The following GRIA4 variants were observed in gnomAD, a reference collection of about 807,000 sequenced individuals.
GRIA4 encodes glutamate receptor 4.
Under a neutral mutation model 104.0 loss-of-function variants are expected in GRIA4, and 34 were observed. That is an observed-to-expected ratio of 0.33 (90% CI 0.25 to 0.44). The LOEUF (loss-of-function observed/expected upper bound fraction) is 0.44, where lower values mean the gene tolerates loss of function less well. Among genes scored for constraint, GRIA4 ranks in the 20% least tolerant of loss-of-function variants. The probability of loss-of-function intolerance (pLI) is 1.00; values close to 1 mark genes in which losing one functional copy is unlikely to be tolerated. For missense variants in GRIA4, 750 were observed against 1,096.5 expected (o/e 0.68, Z 4.46); for synonymous variants, 386 against 381.9 (o/e 1.01, Z -0.13).
At chr11:105,822,979 T>G (rs1308652991) in intron 4 of GRIA4, among the ~76,000 whole-genome samples, 6 of 152,240 alleles carry the variant, frequency 3.9e-5, no homozygotes, top group Non-Finnish European at 8.8e-5. Context: ...AAGTACTGAG[T>G]TCTTTTCAGT....
At chr11:105,760,250 A>G (rs1439927779) in intron 4 of GRIA4, among the ~76,000 whole-genome samples, 1 of 152,100 alleles carries the variant, frequency 6.6e-6, no homozygotes, top group African/African-American at 2.4e-5. Context: ...CCTTCAAGCA[A>G]CCGTATCTAA....
chr11:105,968,803 T>C (rs1358347987), intron 14 of GRIA4, among the ~76,000 whole-genome samples: 1 of 152,208 alleles, frequency 6.6e-6, no homozygotes, highest in African/African-American at 2.4e-5. Flanking sequence ...TTTAAAAATA[T>C]TGATTGCAAT....
At chr11:105,683,049 C>A (rs555836409) in intron 3 of GRIA4, among the ~76,000 whole-genome samples, 1 of 152,088 alleles carries the variant, frequency 6.6e-6, no homozygotes, top group African/African-American at 2.4e-5. Flanking sequence ...TTATGGTGAG[C>A]CTGGATTTTT....
At chr11:105,644,976 G>C (rs534926488) in intron 3 of GRIA4, among the ~76,000 whole-genome samples, 2 of 152,262 alleles carry the variant, frequency 1.3e-5, no homozygotes, top group East Asian at 3.9e-4. Context: ...GAGCTAAGCA[G>C]TGCGTGACTG....
chr11:105,699,975 T>G (rs981752062), intron 3 of GRIA4, among the ~76,000 whole-genome samples: 4 of 152,216 alleles, frequency 2.6e-5, no homozygotes, highest in African/African-American at 9.7e-5. Flanking sequence ...ACTGTTGTAT[T>G]CTCAGCACCT....
At chr11:105,877,370 C>T (rs1357539079) in intron 5 of GRIA4, among the ~76,000 whole-genome samples, 2 of 152,156 alleles carry the variant, frequency 1.3e-5, no homozygotes, top group South Asian at 2.1e-4. Context: ...CTTGGTGAAT[C>T]TGACAATTAC....
intron 13 of GRIA4, among the ~76,000 whole-genome samples, chr11:105,930,082 T>C (rs897143316): frequency 5.3e-5 from 8 of 152,176 alleles, no homozygotes; most frequent in African/African-American, 1.7e-4. Flanking sequence ...CTGTACTTGA[T>C]ACAGTGACAT....
chr11:105,682,110 A>G (rs535294477), intron 3 of GRIA4, among the ~76,000 whole-genome samples: 2 of 152,296 alleles, frequency 1.3e-5, no homozygotes, highest in African/African-American at 2.4e-5. Flanking sequence ...AGAAAATTTG[A>G]AATTTCACAT....
chr11:105,962,083 A>T (rs1290811820), intron 14 of GRIA4, among the ~76,000 whole-genome samples: 1 of 152,214 alleles, frequency 6.6e-6, no homozygotes, highest in Non-Finnish European at 1.5e-5. Context: ...AAACTTTACT[A>T]AAACTTTTTA....
chr11:105,653,999 CAAAAAAAAAAAAAAAAA>C, intron 3 of GRIA4, among the ~76,000 whole-genome samples: 2 of 50,262 alleles, frequency 4.0e-5, no homozygotes, highest in African/African-American at 7.9e-5. Context: ...ACTATTTAGC[CAAAAAAAAAAAAAAAAA>C]AAAAAAAAAA....
chr11:105,928,476 G>C lies in GRIA4; in HGVS notation c.2046+1537G>C, dbSNP rs189408006. The stretch of plus-strand genomic sequence containing the variant: ...TCCCTATTTCTACAGCTTAATAATA[G>C]AAACATTACTACTCTAATGTATTTC... On this transcript the variant is annotated intron_variant, in intron 13 of 16. Coordinates refer to ENST00000282499, the MANE Select transcript of GRIA4 (RefSeq NM_000829.4). 4.0e-3 allele frequency among the ~76,000 whole-genome samples: 603 copies of C among 151,976 alleles called. 5 individuals carry two copies. Among genetic ancestry groups the C allele is most frequent in the African/African-American group, 0.013 (557 of 41,504 alleles).
At chr11:105,869,284 A>G (rs925617399) in intron 5 of GRIA4, among the ~76,000 whole-genome samples, 1 of 152,160 alleles carries the variant, frequency 6.6e-6, no homozygotes, top group Admixed American at 6.6e-5. Context: ...GTTCAACTAA[A>G]TATGTTTTAG....
intron 3 of GRIA4, among the ~76,000 whole-genome samples, chr11:105,736,267 A>G (rs1413875107): frequency 2.6e-5 from 4 of 152,166 alleles, no homozygotes; most frequent in African/African-American, 9.6e-5. Flanking sequence ...ATTCATTTAC[A>G]TTACATTCCT....
chr11:105,873,984 C>T (rs1945720517), intron 5 of GRIA4, among the ~76,000 whole-genome samples: 1 of 152,124 alleles, frequency 6.6e-6, no homozygotes, highest in Non-Finnish European at 1.5e-5. Context: ...GTCATGAAGT[C>T]TTTGCCCATG....
At chr11:105,659,892 GA>G (rs1156243535) in intron 3 of GRIA4, among the ~76,000 whole-genome samples, 1 of 151,562 alleles carries the variant, frequency 6.6e-6, no homozygotes, top group African/African-American at 2.4e-5. Flanking sequence ...AATATTCTCA[GA>G]AAAATTCAAT....
intron 5 of GRIA4, 27 bp downstream of exon 5, chr11:105,862,235 C>G: frequency 7.6e-7 from 1 of 1,315,818 alleles, no homozygotes. Context: ...ATATTTTTAA[C>G]CTAGACCCTA....
At chr11:105,901,000 T>TA (rs1208750218) in intron 7 of GRIA4, among the ~76,000 whole-genome samples, 1 of 152,150 alleles carries the variant, frequency 6.6e-6, no homozygotes, top group Non-Finnish European at 1.5e-5. Context: ...TTCCCCCTTG[T>TA]AATCTCCATA....
intron 4 of GRIA4, among the ~76,000 whole-genome samples, chr11:105,789,106 A>G (rs1306245941): frequency 6.6e-6 from 1 of 152,138 alleles, no homozygotes; most frequent in Non-Finnish European, 1.5e-5. Flanking sequence ...AATCTGACCA[A>G]AAGATAAAAA....
chr11:105,918,188 T>A (rs1201897015), intron 10 of GRIA4, among the ~76,000 whole-genome samples: 3 of 152,144 alleles, frequency 2.0e-5, no homozygotes, highest in African/African-American at 7.2e-5. Flanking sequence ...ACCAAGTGCC[T>A]GCTCTGAGAC....
Sources: allele counts gnomAD v4.1 joint callset (sites outside exome capture counted in the v4.1 genomes callset), GRCh38; gene constraint gnomAD v4.1.1; transcripts MANE v1.5; gene names NCBI Gene and HGNC (gene_info 2026-07-23, HGNC 2026-07-21).